SORT1: variants seen among roughly 807,000 people sequenced by gnomAD.
SORT1 encodes sortilin 1, also known as sortilin.
Under a neutral mutation model 101.7 loss-of-function variants are expected in SORT1, and 39 were observed. That is an observed-to-expected ratio of 0.38 (90% confidence interval 0.30 to 0.50). The LOEUF (loss-of-function observed/expected upper bound fraction) is 0.50. Ranked by LOEUF, SORT1 falls within the 20% of genes least tolerant of loss-of-function variation. SORT1 has a pLI of 0.90. For missense variants in SORT1, 878 were observed against 1,040.4 expected (o/e 0.84, Z 2.15); for synonymous variants, 396 against 393.7 (o/e 1.01, Z -0.07).
At chr1:109,336,745 G>A (rs1458582343) in intron 10 of SORT1, among the ~76,000 whole-genome samples, 4 of 151,716 alleles carry the variant, frequency 2.6e-5, no homozygotes, top group African/African-American at 9.7e-5. Context: ...GGAGGTGGGG[G>A]CTGCAGGGGG....
At chr1:109,324,675 A>C (rs1360796205) in intron 14 of SORT1, among the ~76,000 whole-genome samples, 1 of 152,170 alleles carries the variant, frequency 6.6e-6, no homozygotes, top group East Asian at 1.9e-4. Context: ...AATTTAAATG[A>C]CATATGTGGC....
At chr1:109,337,065 G>T (rs1287825883) in intron 10 of SORT1, among the ~76,000 whole-genome samples, 1 of 152,116 alleles carries the variant, frequency 6.6e-6, no homozygotes, top group Non-Finnish European at 1.5e-5. Context: ...TTGAGATTCA[G>T]TAAGTGTGCA....
chr1:109,393,239 C>A (rs1018083865), intron 1 of SORT1: 1 of 985,382 alleles, frequency 1.0e-6, no homozygotes, highest in South Asian at 4.7e-5. Flanking sequence ...TTTAAGGAAC[C>A]AGATGCTTTA....
chr1:109,353,034 C>CA (rs11427167), intron 5 of SORT1, among the ~76,000 whole-genome samples: 110,288 of 151,916 alleles, frequency 0.73, 40,302 homozygotes, highest in East Asian at 0.96. Flanking sequence ...CACTGCTAGG[C>CA]TAACTCTGAG....
At chr1:109,363,261 C>G (rs1215130497) in intron 3 of SORT1, among the ~76,000 whole-genome samples, 1 of 152,128 alleles carries the variant, frequency 6.6e-6, no homozygotes, top group Admixed American at 6.5e-5. Flanking sequence ...TGGAAAATAT[C>G]TTTTAGTTGC....
intron 14 of SORT1, 146 bp from the exon 15 acceptor site, chr1:109,323,267 A>G (rs1647761684): frequency 1.7e-6 from 1 of 590,604 alleles, no homozygotes; most frequent in South Asian, 2.4e-5. Flanking sequence ...TGCAAACAAA[A>G]AGTTACACTA....
intron 1 of SORT1, among the ~76,000 whole-genome samples, chr1:109,372,260 ATATG>A (rs1651521980): frequency 6.6e-6 from 1 of 152,190 alleles, no homozygotes; most frequent in African/African-American, 2.4e-5. Flanking sequence ...ATCTTTCAAA[ATATG>A]TATTACAGCA....
chr1:109,363,624 T>C lies in SORT1; in HGVS notation c.440+3784A>G, dbSNP rs1650888419. On this transcript the variant is annotated intron_variant, in intron 3 of 19. Coordinates refer to ENST00000256637, the MANE Select transcript of SORT1 (RefSeq NM_002959.7). ...AACAGAGACAACTTCCTTCTATTCT[T>C]GTGAGACTTCATGCTGTAATACACA... Among the ~76,000 whole-genome samples, 3 of 152,332 alleles carry C rather than the reference T, an allele frequency of 2.0e-5. No homozygotes were observed. The South Asian group carries it at 6.2e-4, about 32-fold the overall frequency.
At chr1:109,349,255 G>A (rs950789971) in intron 6 of SORT1, among the ~76,000 whole-genome samples, 2 of 152,070 alleles carry the variant, frequency 1.3e-5, no homozygotes, top group Non-Finnish European at 2.9e-5. Context: ...TGAGGCAGGA[G>A]AATCACTTGA....
Position 109,325,021 on chromosome 1 carries a change from C to CCA in SORT1, c.1710_1711dup (p.Gly571ValfsTer3). 6.2e-7 allele frequency: 1 copy of CCA among 1,613,454 alleles called. No homozygotes were observed. The highest frequency in any genetic ancestry group is 8.5e-7 in the Non-Finnish European group (1 of 1,179,480). ...CCTAGCTCCAGGTTCTGAAGCTAGG[C>CCA]CAGTGAAATAGATGGGGTCCCTGGT... is the stretch of plus-strand genomic sequence containing the variant. On this transcript the variant is annotated frameshift_variant, in exon 14 of 20. Transcript: ENST00000256637. LOFTEE classifies it high-confidence loss of function.
chr1:109,344,495 C>T (rs1649451273), intron 8 of SORT1, among the ~76,000 whole-genome samples: 5 of 152,126 alleles, frequency 3.3e-5, no homozygotes, highest in Admixed American at 6.6e-5. Context: ...GGGCATGCTC[C>T]AGTCTGAGGG....
At chr1:109,352,633 CT>C (rs1236626517) in intron 5 of SORT1, among the ~76,000 whole-genome samples, 3 of 152,200 alleles carry the variant, frequency 2.0e-5, no homozygotes, top group Non-Finnish European at 4.4e-5. Context: ...TTTTTCTCCC[CT>C]GGTAATACTC....
intron 15 of SORT1, among the ~76,000 whole-genome samples, chr1:109,318,814 G>A (rs988409055): frequency 3.9e-5 from 6 of 152,016 alleles, no homozygotes; most frequent in East Asian, 1.9e-4. Context: ...CACCATGCTC[G>A]TCTAATTCTT....
intron 3 of SORT1, among the ~76,000 whole-genome samples, chr1:109,357,706 A>G (rs908452246): frequency 6.6e-6 from 1 of 152,204 alleles, no homozygotes; most frequent in Non-Finnish European, 1.5e-5. Flanking sequence ...GAGGTCCCTG[A>G]TAATATGCTG....
At chr1:109,349,923 T>C (rs1160288313) in intron 6 of SORT1, among the ~76,000 whole-genome samples, 1 of 152,250 alleles carries the variant, frequency 6.6e-6, no homozygotes, top group Non-Finnish European at 1.5e-5. Flanking sequence ...GTCATCATCA[T>C]GAACATCAAT....
chr1:109,314,589 G>T, intron 18 of SORT1, 83 bp downstream of exon 18: 1 of 1,132,146 alleles, frequency 8.8e-7, no homozygotes, highest in Non-Finnish European at 1.3e-6. Context: ...CCTAGTTTTT[G>T]CCAAGAGTAG....
rs780195934 is a variant in SORT1 at position 109,327,064 on chromosome 1, T to C, written c.1571A>G (p.Tyr524Cys). The change falls in exon 13 of 20, where the codon TAT becomes TGT. Residue 524 changes from tyrosine (Y) to cysteine (C), a missense_variant. Physicochemically the swap from Tyr to Cys is radical, Grantham distance 194 (BLOSUM62 -2). Around this residue, in one of 2 missense-constraint regions of SORT1, gnomAD observed 684 missense variants for 894.5 expected, o/e 0.76. Coordinates refer to ENST00000256637, the MANE Select transcript of SORT1 (RefSeq NM_002959.7). ...SWTKMLEGPH[Y>C]YTILDSGGII... ...GCCTCCAGAATCCAGGATGGTGTAA[T>C]AGTGGGGTCCTTCCAGCATCTTTGT... The C allele has an allele frequency of 3.7e-6, 6 of 1,612,636 alleles. No individual in the cohort carries two copies. Among genetic ancestry groups the C allele is most frequent in the Admixed American group, 1.7e-5 (1 of 59,972 alleles).
intron 3 of SORT1, among the ~76,000 whole-genome samples, chr1:109,359,500 TTTTA>T (rs1464412377): frequency 6.6e-5 from 10 of 152,202 alleles, no homozygotes; most frequent in African/African-American, 2.4e-4. Flanking sequence ...AGCCTTTTTA[TTTTA>T]TTTTATTTTT....
At chr1:109,338,453 A>G (rs1010052462) in intron 10 of SORT1, among the ~76,000 whole-genome samples, 44 of 152,176 alleles carry the variant, frequency 2.9e-4, no homozygotes, top group African/African-American at 1.1e-3. Flanking sequence ...TATAAATAAA[A>G]TGACACTTTA....
Sources: gnomAD v4.1 joint callset for allele counts (sites outside exome capture counted in the v4.1 genomes callset) on GRCh38, gnomAD v4.1.1 for gene constraint, gnomAD v4.1.1 regional missense constraint, MANE v1.5 for transcripts, NCBI Gene and HGNC (gene_info 2026-07-23, HGNC 2026-07-21) for gene names.